Variants in CDK2AP1 observed in about 807,000 individuals in gnomAD.
The protein encoded by CDK2AP1 is cyclin-dependent kinase 2-associated protein 1.
Under a neutral mutation model 14.1 loss-of-function variants are expected in CDK2AP1, and 10 were observed. The ratio of observed to expected loss-of-function variants is 0.71; its 90% confidence interval spans 0.44 to 1.20. The LOEUF (loss-of-function observed/expected upper bound fraction) is 1.20. CDK2AP1 is among the 50% of genes most tolerant of loss of function. CDK2AP1 has a pLI of 0.00. For missense variants in CDK2AP1, 102 were observed against 149.9 expected, an observed-to-expected ratio of 0.68 and a Z score of 1.67; for synonymous variants, 59 against 59.8, an observed-to-expected ratio of 0.99 and a Z score of 0.06.
intron 1 of CDK2AP1, 115 bp from the exon 2 acceptor site, chr12:123,267,397 TG>T (rs1347531659): frequency 1.4e-6 from 1 of 695,590 alleles, no homozygotes; most frequent in Non-Finnish European, 2.7e-6. Flanking sequence ...TGTAGCAGGA[TG>T]GAGAACCCTG....
chr12:123,268,370 G>A (rs961838751), intron 1 of CDK2AP1: 5 of 293,856 alleles, frequency 1.7e-5, no homozygotes, highest in Admixed American at 6.5e-5. Flanking sequence ...TGGGGGAGCC[G>A]GGAGGAGCAC....
At chr12:123,266,176 G>A (rs946671495) in intron 2 of CDK2AP1, among the ~76,000 whole-genome samples, 1 of 152,218 alleles carries the variant, frequency 6.6e-6, no homozygotes, top group Admixed American at 6.5e-5. Flanking sequence ...CACCGCCTCT[G>A]TCCCCTGGCC....
In CDK2AP1 at chr12:123,265,289, A is replaced by G; in HGVS notation, c.187T>C (p.Tyr63His). 4.3e-6 allele frequency: 7 copies of G among 1,614,106 alleles called. No homozygotes were observed. Among genetic ancestry groups the G allele is most frequent in the Non-Finnish European group, 5.9e-6 (7 of 1,180,010 alleles). The change falls in exon 3 of 4, where the codon TAC becomes CAC. Residue 63 changes from tyrosine (Y) to histidine (H), a missense_variant. Physicochemically the swap from Tyr to His is moderately conservative, Grantham distance 83. Transcript: ENST00000261692. This position sits in a 1 kb window ranked among gnomAD's most constrained non-coding sequence, Gnocchi z 5.3. Reference protein sequence around the residue: ...TGNSQVPQSKYAELLAIIEEL... With the variant: ...TGNSQVPQSKHAELLAIIEEL... Reference sequence around the variant, plus strand: ...TCAATGATGGCCAGCAGCTCCGCGTATTTGCTTTGGGGCACCTGGCTGTTC... The same window carrying G: ...TCAATGATGGCCAGCAGCTCCGCGTGTTTGCTTTGGGGCACCTGGCTGTTC...
chr12:123,271,130 T>C (rs2048350252), intron 1 of CDK2AP1: 2 of 616,614 alleles, frequency 3.2e-6, no homozygotes, highest in African/African-American at 2.1e-5. Context: ...CCCGGGCTGC[T>C]TCACGACCCC....
At chr12:123,266,579 C>A (rs1251237228) in intron 2 of CDK2AP1, among the ~76,000 whole-genome samples, 1 of 152,224 alleles carries the variant, frequency 6.6e-6, no homozygotes, top group Non-Finnish European at 1.5e-5. Context: ...TGGTGGCGGC[C>A]CCATTCCTGC....
chr12:123,261,853 G>T, intron 3 of CDK2AP1, 50 bp from the exon 4 acceptor site: 1 of 1,265,170 alleles, frequency 7.9e-7, no homozygotes, highest in Non-Finnish European at 1.2e-6. Context: ...GGACCAGCCA[G>T]CAAAGCCCAT....
Position 123,261,656 on chromosome 12 carries a change from G to C in CDK2AP1, c.*80C>G. 2 of 1,160,316 alleles carry C rather than the reference G, an allele frequency of 1.7e-6. No individual in the cohort carries two copies. The highest frequency in any genetic ancestry group is 4.7e-5 in the East Asian group (2 of 42,460). 71.9% of individuals were successfully genotyped at this position (1,160,316 alleles called of 1,614,324 possible). A position where few individuals can be genotyped will look rare whatever the true frequency, so the allele number is the denominator to read the frequency against. On this transcript the variant is annotated 3_prime_UTR_variant, in exon 4 of 4. Transcript: ENST00000261692. The stretch of plus-strand genomic sequence containing the variant: ...AAACTGTAACCATTTTGAAAACAAG[G>C]GTTTCATCTGAACAGGGGAGATGAA...
In CDK2AP1 at chr12:123,268,663, C is replaced by T. The variant is rs957160959; in HGVS notation, c.56-1381G>A. Among the ~76,000 whole-genome samples, 12 of 152,320 alleles carry T rather than the reference C, an allele frequency of 7.9e-5. No individual in the cohort carries two copies. In the East Asian group the frequency reaches 1.9e-3, roughly 24 times the overall value. ...CCGTGCCACTCCGAGCCTCAGTTTC[C>T]ACGCCTCCCACGTGGGGATGATGAG... On this transcript the variant is annotated intron_variant, in intron 1 of 3. Coordinates refer to ENST00000261692, the MANE Select transcript of CDK2AP1 (RefSeq NM_004642.4).
intron 1 of CDK2AP1, among the ~76,000 whole-genome samples, chr12:123,268,700 T>A (rs2048323354): frequency 6.6e-6 from 1 of 152,108 alleles, no homozygotes; most frequent in African/African-American, 2.4e-5. Flanking sequence ...CACATGCGGA[T>A]GATGAGACAC....
At chr12:123,262,711 G>A (rs61953391) in intron 3 of CDK2AP1, among the ~76,000 whole-genome samples, 1,976 of 152,238 alleles carry the variant, frequency 0.013, 29 homozygotes, top group Non-Finnish European at 0.016. Context: ...GAGAAGCTGG[G>A]ACTATAGGCA....
chr12:123,271,118 C>A (rs1462728825), intron 1 of CDK2AP1: 2 of 743,174 alleles, frequency 2.7e-6, no homozygotes, highest in East Asian at 1.3e-4. Context: ...CAGCGCCCCC[C>A]GCCCGGGCTG....
intron 3 of CDK2AP1, chr12:123,262,347 C>A (rs2048242053): frequency 6.6e-6 from 1 of 152,226 alleles, no homozygotes; most frequent in African/African-American, 2.4e-5. Flanking sequence ...TGGTGCTTAC[C>A]TTTTTTTTCT....
chr12:123,261,732 G>A lies in CDK2AP1; in HGVS notation c.*4C>T. The A allele has an allele frequency of 6.2e-7, 1 of 1,611,684 alleles. No homozygotes were observed. Among genetic ancestry groups the A allele is most frequent in the South Asian group, 1.1e-5 (1 of 91,042 alleles). On this transcript the variant is annotated 3_prime_UTR_variant, in exon 4 of 4. Coordinates refer to ENST00000261692, the MANE Select transcript of CDK2AP1 (RefSeq NM_004642.4). ...ATGGAAATCCTTCAAAACCAACAAG[G>A]CAGCTAGGATCTGGCATTCCGTTCC...
At position 123,265,077 on chromosome 12, in the gene CDK2AP1, A is replaced by G; in HGVS notation, c.280+119T>C. 6 of 1,370,654 alleles carry G rather than the reference A, an allele frequency of 4.4e-6. No individual in the cohort carries two copies. The highest frequency in any genetic ancestry group is 6.1e-6 in the Non-Finnish European group (6 of 986,540). 84.9% of individuals were successfully genotyped at this position (1,370,654 alleles called of 1,614,324 possible). The stretch of plus-strand genomic sequence containing the variant: ...ACAGACGGCAACTCTGTAACAAGAC[A>G]GGAGCTCCCATGAGTGAGCCTCATC... On this transcript the variant is annotated intron_variant, in intron 3 of 3. Transcript: ENST00000261692. This position sits in a 1 kb window ranked among gnomAD's most constrained non-coding sequence, Gnocchi z 5.3.
chr12:123,268,258 C>T, intron 1 of CDK2AP1: 2 of 985,368 alleles, frequency 2.0e-6, no homozygotes, highest in Non-Finnish European at 2.4e-6. Flanking sequence ...GACTTGGCCT[C>T]GGGGACAGAC....
intron 1 of CDK2AP1, chr12:123,270,764 G>A: frequency 6.7e-6 from 6 of 899,470 alleles, no homozygotes; most frequent in African/African-American, 5.4e-5. Context: ...TGCATCGAGG[G>A]CCTTCCAGGG....
At chr12:123,267,442 G>A (rs2048309057) in intron 1 of CDK2AP1, 160 bp from the exon 2 acceptor site, 4 of 594,742 alleles carry the variant, frequency 6.7e-6, no homozygotes, top group South Asian at 3.8e-5. Flanking sequence ...CATATAAGAT[G>A]GATAATGAAA....
rs1349532205 is a variant in CDK2AP1 at position 123,261,259 on chromosome 12, AAAG to A, written c.*474_*476del. 1 of 153,496 alleles carries A rather than the reference AAAG, an allele frequency of 6.5e-6. No homozygotes were observed. Among genetic ancestry groups the A allele is most frequent in the African/African-American group, 2.4e-5 (1 of 41,452 alleles). The allele number at this position is 153,496 out of a possible 1,614,324, so 9.5% of individuals were successfully genotyped here. On this transcript the variant is annotated 3_prime_UTR_variant, in exon 4 of 4. Transcript: ENST00000261692. ...ATAGTCATGCAAATGCTTAAGCAAA[AAAG>A]AAGTTACATTAAGCAGAACCTACAT...
intron 1 of CDK2AP1, chr12:123,270,827 G>A (rs1002890243): frequency 2.0e-6 from 2 of 985,296 alleles, no homozygotes; most frequent in African/African-American, 1.7e-5. Context: ...CTGCCCCCAC[G>A]CCCGCGCGCG....
Sources: gnomAD v4.1 joint callset for allele counts (sites outside exome capture counted in the v4.1 genomes callset) on GRCh38, gnomAD v4.1.1 for gene constraint, Gnocchi (gnomAD v3.1) non-coding constraint, MANE v1.5 for transcripts, NCBI Gene and HGNC (gene_info 2026-07-23, HGNC 2026-07-21) for gene names.